The following MAPK8 variants were observed in gnomAD, a reference collection of about 807,000 sequenced individuals.
MAPK8 encodes JUN N-terminal kinase.
MAPK8 carries 13 observed loss-of-function variants against 52.9 expected under a neutral mutation model. That is an observed-to-expected ratio of 0.25 (90% CI 0.16 to 0.39). MAPK8 has a LOEUF of 0.39. MAPK8 is among the 10% of genes least tolerant of loss of function. MAPK8 has a pLI of 1.00. For synonymous variants in MAPK8, 191 were observed against 169.8 expected (o/e 1.12, Z -0.97); for missense variants, 300 against 519.2 (o/e 0.58, Z 4.10).
intron 1 of MAPK8, among the ~76,000 whole-genome samples, chr10:48,389,233 G>A (rs1435117259): frequency 6.6e-6 from 1 of 152,176 alleles, no homozygotes; most frequent in African/African-American, 2.4e-5. Flanking sequence ...GGCTAATAAG[G>A]AGTGAGGTTA....
chr10:48,398,758 C>T (rs1018180728), intron 1 of MAPK8, among the ~76,000 whole-genome samples: 1 of 152,030 alleles, frequency 6.6e-6, no homozygotes, highest in Non-Finnish European at 1.5e-5. Context: ...TGAAAGACGC[C>T]AAACAAAAAT....
At chr10:48,310,624 T>TTAATTTATG (rs1314756482) in intron 1 of MAPK8, among the ~76,000 whole-genome samples, 2 of 152,078 alleles carry the variant, frequency 1.3e-5, no homozygotes, top group East Asian at 3.9e-4. Flanking sequence ...CGCTAAACAG[T>TTAATTTATG]TAATTTATGC....
chr10:48,411,715 G>A (rs74130264), intron 5 of MAPK8, among the ~76,000 whole-genome samples: 106 of 152,196 alleles, frequency 7.0e-4, no homozygotes, highest in African/African-American at 2.5e-3. Flanking sequence ...TTTTGCCATC[G>A]TAACAATATT....
rs565022010 is a variant in MAPK8, at chr10:48,311,522, T to A, written c.-50+4701T>A. 5.9e-5 allele frequency among the ~76,000 whole-genome samples: 9 copies of A among 152,346 alleles called. No individual in the cohort carries two copies. In the East Asian group the frequency reaches 1.7e-3, roughly 29 times the overall value. On this transcript the variant is annotated intron_variant, in intron 1 of 11. Coordinates refer to ENST00000374189, the MANE Select transcript of MAPK8 (RefSeq NM_001323329.2). ...AATTGCCTAAGCTTTCCTAGGTTTG[T>A]TATAGACATCTAAAGGAATGAGAAT...
intron 5 of MAPK8, among the ~76,000 whole-genome samples, chr10:48,414,230 G>A (rs1272745992): frequency 2.6e-5 from 4 of 151,946 alleles, no homozygotes; most frequent in Non-Finnish European, 5.9e-5. Flanking sequence ...GTTCATTCAT[G>A]TATTTATTGT....
chr10:48,323,230 T>C (rs1394505908), intron 1 of MAPK8, among the ~76,000 whole-genome samples: 1 of 152,170 alleles, frequency 6.6e-6, no homozygotes, highest in African/African-American at 2.4e-5. Context: ...TCATGTCTAT[T>C]AGGAGTGTAA....
At chr10:48,307,843 G>A (rs1168692883) in intron 1 of MAPK8, among the ~76,000 whole-genome samples, 1 of 152,132 alleles carries the variant, frequency 6.6e-6, no homozygotes, top group Non-Finnish European at 1.5e-5. Context: ...GTTTAGTACC[G>A]TACTCAGATG....
chr10:48,375,050 C>T (rs1398813687), intron 1 of MAPK8, among the ~76,000 whole-genome samples: 1 of 151,648 alleles, frequency 6.6e-6, no homozygotes. Flanking sequence ...ATGATCAAGT[C>T]TGCTTCATCC....
intron 1 of MAPK8, among the ~76,000 whole-genome samples, chr10:48,326,814 G>A (rs1274671696): frequency 2.0e-5 from 3 of 152,040 alleles, no homozygotes; most frequent in African/African-American, 4.8e-5. Context: ...TCCAATAGCG[G>A]GAAACCTGCC....
intron 1 of MAPK8, among the ~76,000 whole-genome samples, chr10:48,328,975 A>C (rs1227611493): frequency 6.6e-6 from 1 of 152,182 alleles, no homozygotes; most frequent in African/African-American, 2.4e-5. Flanking sequence ...AAGCGTTTCC[A>C]ACTTTAGCTT....
chr10:48,355,426 G>A (rs963523041), intron 1 of MAPK8, among the ~76,000 whole-genome samples: 1 of 149,964 alleles, frequency 6.7e-6, no homozygotes, highest in Non-Finnish European at 1.5e-5. Context: ...GGAGAATGGC[G>A]TGAACCCAGG....
intron 3 of MAPK8, among the ~76,000 whole-genome samples, chr10:48,408,553 A>C (rs2042585117): frequency 6.6e-6 from 1 of 152,236 alleles, no homozygotes; most frequent in Non-Finnish European, 1.5e-5. Flanking sequence ...AAGTGAGTTG[A>C]TGGCATATCA....
At chr10:48,364,429 G>A (rs949109686) in intron 1 of MAPK8, among the ~76,000 whole-genome samples, 2 of 150,786 alleles carry the variant, frequency 1.3e-5, no homozygotes, top group South Asian at 4.2e-4. Context: ...GATATTGCCT[G>A]AAAAAATTTA....
chr10:48,308,618 C>T (rs1365732360), intron 1 of MAPK8, among the ~76,000 whole-genome samples: 2 of 152,156 alleles, frequency 1.3e-5, no homozygotes, highest in Admixed American at 1.3e-4. Context: ...GTAATCCACA[C>T]ACAGGCACTC....
intron 1 of MAPK8, among the ~76,000 whole-genome samples, chr10:48,327,896 A>G (rs1843690284): frequency 1.3e-5 from 2 of 152,152 alleles, no homozygotes; most frequent in Admixed American, 6.5e-5. Flanking sequence ...TCATCTTACT[A>G]AATTTTTGGT....
chr10:48,315,601 G>GTT (rs61500340), intron 1 of MAPK8, among the ~76,000 whole-genome samples: 113 of 141,300 alleles, frequency 8.0e-4, no homozygotes, highest in East Asian at 1.4e-3. Flanking sequence ...ATATATTTAA[G>GTT]TTTTTTTTTT....
At chr10:48,415,224 C>A (rs186691675) in intron 5 of MAPK8, among the ~76,000 whole-genome samples, 7 of 152,072 alleles carry the variant, frequency 4.6e-5, no homozygotes, top group Non-Finnish European at 8.8e-5. Context: ...GTAGAGCAGA[C>A]GAGTGAAACT....
chr10:48,390,113 G>A (rs1272970845), intron 1 of MAPK8, among the ~76,000 whole-genome samples: 1 of 152,114 alleles, frequency 6.6e-6, no homozygotes, highest in East Asian at 1.9e-4. Flanking sequence ...GTTTCAGTTT[G>A]AGTCTAAAGG....
At chr10:48,394,443 A>C (rs191446709) in intron 1 of MAPK8, among the ~76,000 whole-genome samples, 5 of 152,062 alleles carry the variant, frequency 3.3e-5, no homozygotes, top group African/African-American at 1.2e-4. Context: ...TTAACATTTG[A>C]AAATCAATCA....
Sources: gnomAD v4.1 joint callset for allele counts (sites outside exome capture counted in the v4.1 genomes callset) on GRCh38, gnomAD v4.1.1 for gene constraint, MANE v1.5 for transcripts, NCBI Gene and HGNC (gene_info 2026-07-23, HGNC 2026-07-21) for gene names.